Variants in DNAH7 observed in about 807,000 individuals in gnomAD.
DNAH7 encodes dynein axonemal heavy chain 7, also known as axonemal beta dynein heavy chain 7.
In DNAH7, 397 loss-of-function variants were observed where a neutral mutation model predicts 444.6. That is an observed-to-expected ratio of 0.89 (90% confidence interval 0.82 to 0.97). The LOEUF (loss-of-function observed/expected upper bound fraction) is 0.97, where lower values mean the gene tolerates loss of function less well. Ranked by LOEUF, DNAH7 falls within the 50% of genes least tolerant of loss-of-function variation. The probability of loss-of-function intolerance (pLI) is 0.00; values close to 1 mark genes in which losing one functional copy is unlikely to be tolerated. For missense variants in DNAH7, 4,902 were observed against 4,800.8 expected (o/e 1.02, Z -0.62); for synonymous variants, 1,636 against 1,624.4 (o/e 1.01, Z -0.17).
At chr2:195,957,473 T>C (rs1690751321) in intron 18 of DNAH7, 26 bp from the exon 19 acceptor site, 1 of 1,470,156 alleles carries the variant, frequency 6.8e-7, no homozygotes, top group Non-Finnish European at 9.1e-7. Context: ...CAGTGGCTCT[T>C]ACTGACAGCA....
intron 52 of DNAH7, 56 bp downstream of exon 52, chr2:195,809,689 A>G: frequency 7.1e-7 from 1 of 1,416,176 alleles, no homozygotes; most frequent in South Asian, 1.7e-5. Flanking sequence ...AAATTAATAA[A>G]TTAATGAATC....
At chr2:195,910,405 A>T (rs1687288340) in intron 24 of DNAH7, among the ~76,000 whole-genome samples, 1 of 152,194 alleles carries the variant, frequency 6.6e-6, no homozygotes, top group Non-Finnish European at 1.5e-5. Context: ...TATATGCCAC[A>T]TTGAGAACAA....
At chr2:195,905,449 A>G in intron 27 of DNAH7, 1 of 152,194 alleles carries the variant, frequency 6.6e-6, no homozygotes, top group Middle Eastern at 3.2e-3. Flanking sequence ...ATGGAAATAC[A>G]AAAACACTTG....
intron 23 of DNAH7, 79 bp downstream of exon 23, chr2:195,923,516 C>A: frequency 7.4e-7 from 1 of 1,357,530 alleles, no homozygotes; most frequent in East Asian, 2.3e-5. Context: ...CTACTATTTC[C>A]CATGTGAGCA....
intron 1 of DNAH7, among the ~76,000 whole-genome samples, chr2:196,067,202 G>T (rs1003810918): frequency 2.0e-5 from 3 of 152,062 alleles, no homozygotes; most frequent in African/African-American, 7.2e-5. Flanking sequence ...GTAAGTTAGG[G>T]GAATTGTGAA....
chr2:195,991,919 T>C lies in DNAH7; in HGVS notation c.1354-3690A>G, dbSNP rs1377426709. Among the ~76,000 whole-genome samples, 6 of 152,302 alleles carry C rather than the reference T, an allele frequency of 3.9e-5. No homozygotes were observed. The East Asian group carries it at 1.2e-3, about 29-fold the overall frequency. ...AGTATGGACATCTAATTAATGTACA[T>C]CAGTTAAGCCCAGCAACCGGAAAAA... On this transcript the variant is annotated intron_variant, in intron 12 of 64. Transcript: ENST00000312428.
At chr2:195,936,017 T>C (rs372302447) in intron 20 of DNAH7, among the ~76,000 whole-genome samples, 1 of 152,280 alleles carries the variant, frequency 6.6e-6, no homozygotes, top group East Asian at 1.9e-4. Context: ...ATGAGAGCAG[T>C]GGCTTTTATT....
At chr2:195,853,603 A>T in intron 45 of DNAH7, 75 bp from the exon 46 acceptor site, 1 of 1,385,676 alleles carries the variant, frequency 7.2e-7, no homozygotes, top group Admixed American at 2.7e-5. Flanking sequence ...TTTTACCCTC[A>T]GAAGTGAATT....
rs1325122935 is a variant in DNAH7, at chr2:195,799,328, T to C, written c.10321A>G (p.Met3441Val). 9 of 1,597,414 alleles carry C rather than the reference T, an allele frequency of 5.6e-6. No homozygotes were observed. Among genetic ancestry groups the C allele is most frequent in the Non-Finnish European group, 6.8e-6 (8 of 1,171,928 alleles). Residue 3441 changes from methionine to valine, a missense_variant, in exon 55 of 65, where the codon ATG becomes GTG. Physicochemically the swap from Met to Val is conservative, Grantham distance 21. Transcript: ENST00000312428. The part of the protein sequence containing the change: ...IFVLSPGADP[M>V]AALLKFADDQ... ...TCAGCAAATTTTAGAAGGGCAGCCA[T>C]GGGATCTGCTCCAGGAGAGAGCACG...
intron 57 of DNAH7, among the ~76,000 whole-genome samples, chr2:195,790,856 T>A (rs569483570): frequency 2.0e-5 from 3 of 152,218 alleles, no homozygotes; most frequent in African/African-American, 7.2e-5. Flanking sequence ...CTAATTAAAC[T>A]AAAGAGCTTC....
chr2:195,748,312 A>AC (rs1183534934), intron 63 of DNAH7, among the ~76,000 whole-genome samples: 2 of 152,170 alleles, frequency 1.3e-5, no homozygotes, highest in Non-Finnish European at 2.9e-5. Flanking sequence ...AGAACTACAA[A>AC]CCACTGCTCA....
chr2:195,879,466 TG>T (rs1242810147), intron 36 of DNAH7, among the ~76,000 whole-genome samples: 1 of 152,160 alleles, frequency 6.6e-6, no homozygotes, highest in Non-Finnish European at 1.5e-5. Flanking sequence ...AAATTCTAAA[TG>T]GCACATTTTC....
chr2:195,911,648 G>T (rs1687365688), intron 24 of DNAH7, among the ~76,000 whole-genome samples: 1 of 152,094 alleles, frequency 6.6e-6, no homozygotes, highest in African/African-American at 2.4e-5. Flanking sequence ...GAATAACAGG[G>T]ACTTACCAGC....
chr2:195,818,004 T>C (rs1697303233), intron 49 of DNAH7, among the ~76,000 whole-genome samples, 175 bp from the exon 50 acceptor site: 1 of 152,188 alleles, frequency 6.6e-6, no homozygotes, highest in African/African-American at 2.4e-5. Context: ...GATTGTTGGA[T>C]TTAAAACCCA....
rs1473828580 is a variant in DNAH7, at chr2:195,884,602, A to G, written c.5746T>C (p.Tyr1916His). ...ACTCTTACCTCAGTGACAAATTGAT[A>G]ATCATAAATTGTTCCTTTTTCAGGA... The part of the protein sequence containing the change: ...PFPEKGTIYD[Y>H]QFVTEGIGKW... The change falls in exon 35 of 65, where the codon TAT becomes CAT. Residue 1916 changes from tyrosine to histidine, a missense_variant. Coordinates refer to ENST00000312428, the MANE Select transcript of DNAH7 (RefSeq NM_018897.3). The G allele has an allele frequency of 5.0e-6, 8 of 1,613,588 alleles. No individual in the cohort carries two copies. The highest frequency in any genetic ancestry group is 6.8e-6 in the Non-Finnish European group (8 of 1,179,626).
intron 2 of DNAH7, among the ~76,000 whole-genome samples, chr2:196,052,234 G>C (rs1347724972): frequency 2.0e-5 from 3 of 152,188 alleles, no homozygotes; most frequent in Admixed American, 6.5e-5. Flanking sequence ...CTTTGGGGAA[G>C]GGACGGCTCT....
rs1214697099 is a variant in DNAH7 at position 195,875,842 on chromosome 2, A to T, written c.6119T>A (p.Val2040Asp). The change falls in exon 38 of 65, where the codon GTT becomes GAT. Residue 2040 changes from valine (V) to aspartate (D), a missense_variant and splice_region_variant. Coordinates refer to ENST00000312428, the MANE Select transcript of DNAH7 (RefSeq NM_018897.3). ...CATATTGACATCATCTACAAAGACAACCTGAGAATGAGAAGAGAAGAGGTA... is the reference window on the plus strand; with the variant it reads ...CATATTGACATCATCTACAAAGACATCCTGAGAATGAGAAGAGAAGAGGTA... Reference protein sequence around the residue: ...VFGPPLGKRMVVFVDDVNMPA... With the variant: ...VFGPPLGKRMDVFVDDVNMPA... 6.3e-7 allele frequency: 1 copy of T among 1,598,590 alleles called. No individual in the cohort carries two copies. The highest frequency in any genetic ancestry group is 8.5e-7 in the Non-Finnish European group (1 of 1,174,978).
At chr2:195,988,325 CT>C in intron 12 of DNAH7, 96 bp from the exon 13 acceptor site, 3 of 1,119,976 alleles carry the variant, frequency 2.7e-6, no homozygotes, top group African/African-American at 1.6e-5. Flanking sequence ...TGTTTCTTGT[CT>C]TTTTATTCAC....
intron 17 of DNAH7, among the ~76,000 whole-genome samples, chr2:195,961,339 C>T (rs1042454946): frequency 3.3e-5 from 5 of 151,598 alleles, no homozygotes; most frequent in South Asian, 2.1e-4. Context: ...GATACCTAAA[C>T]GTATTCCTCC....
Sources: allele counts gnomAD v4.1 joint callset (sites outside exome capture counted in the v4.1 genomes callset), GRCh38; gene constraint gnomAD v4.1.1; transcripts MANE v1.5; gene names NCBI Gene and HGNC (gene_info 2026-07-23, HGNC 2026-07-21).